PDE1A: variants seen among roughly 807,000 people sequenced by gnomAD.
PDE1A encodes the protein phosphodiesterase 1A.
PDE1A carries 35 observed loss-of-function variants against 61.7 expected under a neutral mutation model. The observed-to-expected ratio is 0.57, with a 90% CI of 0.43 to 0.75. The LOEUF (loss-of-function observed/expected upper bound fraction) is 0.75, where lower values mean the gene tolerates loss of function less well. Ranked by LOEUF, PDE1A falls within the 30% of genes least tolerant of loss-of-function variation. The pLI is 0.00. For missense variants in PDE1A, 597 were observed against 630.6 expected, an observed-to-expected ratio of 0.95 and a Z score of 0.57; for synonymous variants, 232 against 213.2, an observed-to-expected ratio of 1.09 and a Z score of -0.77.
At chr2:182,337,957 T>C (rs903160978) in intron 1 of PDE1A, among the ~76,000 whole-genome samples, 1 of 152,222 alleles carries the variant, frequency 6.6e-6, no homozygotes, top group African/African-American at 2.4e-5. Context: ...CCAGAGCCAT[T>C]AGGTCTATAT....
At chr2:182,156,912 G>A (rs1026038783) in intron 13 of PDE1A, among the ~76,000 whole-genome samples, 1 of 151,414 alleles carries the variant, frequency 6.6e-6, no homozygotes, top group Non-Finnish European at 1.5e-5. Context: ...AAGTATCTAT[G>A]CTTAAAAAAT....
chr2:182,712,900 T>C, the PDE1A span, among the ~76,000 whole-genome samples: 15 of 152,126 alleles, frequency 9.9e-5, no homozygotes, highest in South Asian at 2.1e-4. Context: ...TGACATTCCG[T>C]TGTTTAAACA....
chr2:182,302,918 G>C (rs565195342), intron 1 of PDE1A, among the ~76,000 whole-genome samples: 1 of 152,052 alleles, frequency 6.6e-6, no homozygotes, highest in Non-Finnish European at 1.5e-5. Flanking sequence ...CTTTGCTCAC[G>C]CATAAGAAGC....
At chr2:182,590,095 T>C in the PDE1A span, among the ~76,000 whole-genome samples, 2 of 152,040 alleles carry the variant, frequency 1.3e-5, no homozygotes, top group Non-Finnish European at 2.9e-5. Context: ...CTCTGTGTGC[T>C]AGATTCTTTA....
Position 182,419,336 on chromosome 2 carries a change from C to CTTT in PDE1A, c.53+7239_53+7241dup, listed in dbSNP as rs35320184. ...GATTTTCTCATTCTTTTTTTCTTTT[C>CTTT]TTTTTTTTTTTTTTTTTGAGATAGA... On this transcript the variant is annotated intron_variant, in intron 1 of 13. Coordinates refer to ENST00000351439, the Ensembl canonical transcript of PDE1A. Among the ~76,000 whole-genome samples, 34 of 132,632 alleles carry CTTT rather than the reference C, an allele frequency of 2.6e-4. 1 individual carries two copies. The highest frequency in any genetic ancestry group is 9.5e-4 in the South Asian group (4 of 4,196). The allele number at this position is 132,632 out of a possible 152,430, so 87.0% of individuals were successfully genotyped here.
At chr2:182,504,904 C>T (rs1353234651) in intron 2 of PDE1A, among the ~76,000 whole-genome samples, 2 of 152,190 alleles carry the variant, frequency 1.3e-5, no homozygotes, top group Non-Finnish European at 2.9e-5. Context: ...TGGAAAACTT[C>T]AAGATTACCT....
chr2:182,486,886 C>T (rs1330513249), intron 2 of PDE1A, among the ~76,000 whole-genome samples: 1 of 152,000 alleles, frequency 6.6e-6, no homozygotes, highest in Non-Finnish European at 1.5e-5. Context: ...GATTAAGACA[C>T]TAAAAGCATA....
the PDE1A span, among the ~76,000 whole-genome samples, chr2:182,628,691 A>G: frequency 1.3e-5 from 2 of 152,150 alleles, no homozygotes; most frequent in African/African-American, 4.8e-5. Context: ...ATTATTCAAC[A>G]CATAGATGTA....
At chr2:182,244,368 A>T (rs199974015) in intron 2 of PDE1A, among the ~76,000 whole-genome samples, 1 of 13,696 alleles carries the variant, frequency 7.3e-5, no homozygotes, top group African/African-American at 7.8e-4. Context: ...TTCTTTTTTT[A>T]AAAAAACTTT....
chr2:182,146,828 A>C (rs964409210), downstream of PDE1A, among the ~76,000 whole-genome samples: 2 of 152,148 alleles, frequency 1.3e-5, no homozygotes, highest in African/African-American at 4.8e-5. Context: ...AGTTCCAGTA[A>C]ATATAATTTT....
chr2:182,150,547 G>GA (rs1690723501), intron 13 of PDE1A, among the ~76,000 whole-genome samples: 1 of 152,172 alleles, frequency 6.6e-6, no homozygotes. Flanking sequence ...TGTCAGCCAG[G>GA]AAAAACAGTG....
chr2:182,635,831 G>A, the PDE1A span, among the ~76,000 whole-genome samples: 1 of 151,868 alleles, frequency 6.6e-6, no homozygotes. Context: ...TAAGGTATAA[G>A]GAGGTAAATT....
At chr2:182,540,710 G>A in the PDE1A span, among the ~76,000 whole-genome samples, 1 of 152,146 alleles carries the variant, frequency 6.6e-6, no homozygotes, top group East Asian at 1.9e-4. Context: ...TTCTTCATAT[G>A]TACACAGTTT....
the PDE1A span, among the ~76,000 whole-genome samples, chr2:182,675,334 C>T: frequency 6.6e-6 from 1 of 152,112 alleles, no homozygotes; most frequent in Non-Finnish European, 1.5e-5. Context: ...ATATTTACCA[C>T]ATTTTCTTTA....
intron 7 of PDE1A, among the ~76,000 whole-genome samples, chr2:182,211,980 G>A (rs1257019045): frequency 6.6e-6 from 1 of 151,832 alleles, no homozygotes; most frequent in Non-Finnish European, 1.5e-5. Context: ...CAAGATTCAT[G>A]GGAAGAGAGA....
At chr2:182,171,762 G>T (rs758072834) in intron 13 of PDE1A, among the ~76,000 whole-genome samples, 20 of 151,230 alleles carry the variant, frequency 1.3e-4, no homozygotes, top group Middle Eastern at 6.8e-3. Context: ...GCTACTAGAT[G>T]AGAGCGGCAC....
At chr2:182,175,358 T>C (rs1247623884) in intron 13 of PDE1A, among the ~76,000 whole-genome samples, 1 of 152,166 alleles carries the variant, frequency 6.6e-6, no homozygotes, top group Non-Finnish European at 1.5e-5. Context: ...ATTTCCTGAC[T>C]TTTTAATGAT....
At chr2:182,213,326 A>G (rs1261539776) in intron 7 of PDE1A, among the ~76,000 whole-genome samples, 10 of 99,864 alleles carry the variant, frequency 1.0e-4, no homozygotes, top group East Asian at 4.0e-4. Flanking sequence ...AAAAAACAGA[A>G]CAGAAAAACT....
At chr2:182,359,990 CA>C (rs1699408436) in intron 1 of PDE1A, among the ~76,000 whole-genome samples, 1 of 152,074 alleles carries the variant, frequency 6.6e-6, no homozygotes, top group African/African-American at 2.4e-5. Flanking sequence ...ACCCAAATAC[CA>C]TGAAGAAAAT....
Sources: gnomAD v4.1 joint callset for allele counts (sites outside exome capture counted in the v4.1 genomes callset) on GRCh38, gnomAD v4.1.1 for gene constraint, MANE v1.5 for transcripts, NCBI Gene and HGNC (gene_info 2026-07-23, HGNC 2026-07-21) for gene names.